Variants in IRAK1BP1 observed in about 807,000 individuals in gnomAD.
IRAK1BP1 encodes interleukin-1 receptor-associated kinase 1-binding protein 1.
IRAK1BP1 carries 24 observed loss-of-function variants against 28.0 expected under a neutral mutation model. The ratio of observed to expected loss-of-function variants is 0.86; its 90% CI spans 0.62 to 1.20. IRAK1BP1 has a LOEUF of 1.20. Ranked by LOEUF, IRAK1BP1 falls within the 50% of genes most tolerant of loss-of-function variation. IRAK1BP1 has a pLI of 0.00. For synonymous variants in IRAK1BP1, 131 were observed against 116.3 expected, an observed-to-expected ratio of 1.13 and a Z score of -0.81; for missense variants, 336 against 316.7, an observed-to-expected ratio of 1.06 and a Z score of -0.46.
intron 1 of IRAK1BP1, among the ~76,000 whole-genome samples, chr6:78,884,137 A>T (rs1771331157): frequency 6.6e-6 from 1 of 152,188 alleles, no homozygotes; most frequent in East Asian, 1.9e-4. Context: ...GGACTGACAG[A>T]CATCAGAGTG....
chr6:78,975,396 G>C, the IRAK1BP1 span, among the ~76,000 whole-genome samples: 4 of 152,160 alleles, frequency 2.6e-5, no homozygotes, highest in African/African-American at 7.2e-5. Flanking sequence ...AGCTATCTAT[G>C]ACAAACCCAC....
chr6:78,978,045 C>A, the IRAK1BP1 span, among the ~76,000 whole-genome samples: 1 of 151,998 alleles, frequency 6.6e-6, no homozygotes, highest in South Asian at 2.1e-4. Flanking sequence ...AATGTTGAGA[C>A]CAGTTCTTAC....
At chr6:78,951,444 T>C in the IRAK1BP1 span, among the ~76,000 whole-genome samples, 2 of 152,284 alleles carry the variant, frequency 1.3e-5, no homozygotes, top group South Asian at 2.1e-4. Flanking sequence ...TATTTTCATA[T>C]AAAAGATGAA....
intron 4 of IRAK1BP1, among the ~76,000 whole-genome samples, chr6:78,943,094 A>G (rs1773584548): frequency 1.3e-5 from 2 of 152,196 alleles, no homozygotes; most frequent in African/African-American, 2.4e-5. Context: ...CTGAAATAAC[A>G]TTTTGGATAT....
chr6:78,960,355 C>T, the IRAK1BP1 span, among the ~76,000 whole-genome samples: 6 of 152,008 alleles, frequency 3.9e-5, no homozygotes, highest in Non-Finnish European at 8.8e-5. Flanking sequence ...TCTCATCCAC[C>T]CATGTCTTGT....
At chr6:78,968,811 C>T in the IRAK1BP1 span, among the ~76,000 whole-genome samples, 1 of 152,144 alleles carries the variant, frequency 6.6e-6, no homozygotes, top group Admixed American at 6.5e-5. Flanking sequence ...TCTAACAGCT[C>T]AAGCTGTAAA....
chr6:78,893,341 TA>T (rs1771749120), intron 2 of IRAK1BP1, among the ~76,000 whole-genome samples: 1 of 113,646 alleles, frequency 8.8e-6, no homozygotes, highest in Admixed American at 9.5e-5. Context: ...TATATATATA[TA>T]TATATATCAA....
the IRAK1BP1 span, chr6:78,958,124 G>C: frequency 6.1e-6 from 1 of 164,720 alleles, no homozygotes. Context: ...ATTTGGGTTA[G>C]AAGAGTTAAT....
chr6:78,939,648 T>C (rs995325953), intron 4 of IRAK1BP1: 3 of 151,964 alleles, frequency 2.0e-5, no homozygotes, highest in Non-Finnish European at 4.4e-5. Context: ...CAGACACGTT[T>C]CTTTGTAAGT....
the IRAK1BP1 span, among the ~76,000 whole-genome samples, chr6:78,951,911 T>G: frequency 6.6e-6 from 1 of 152,220 alleles, no homozygotes; most frequent in Non-Finnish European, 1.5e-5. Context: ...TAGTTTTGTC[T>G]ATAAATCTTA....
chr6:78,949,714 G>C (rs571548602), downstream of IRAK1BP1, among the ~76,000 whole-genome samples: 1 of 151,732 alleles, frequency 6.6e-6, no homozygotes, highest in Non-Finnish European at 1.5e-5. Context: ...TAATGAGATA[G>C]GGTCTCACTC....
the IRAK1BP1 span, chr6:78,970,122 T>C: frequency 6.2e-7 from 1 of 1,612,196 alleles, no homozygotes. Context: ...CAGCAAAGGG[T>C]AGGTAATCCC....
At chr6:78,869,451 C>T (rs946272881) in intron 1 of IRAK1BP1, among the ~76,000 whole-genome samples, 3 of 152,120 alleles carry the variant, frequency 2.0e-5, no homozygotes, top group Non-Finnish European at 2.9e-5. Context: ...ATCCGGGAGG[C>T]GAAGGTTTCA....
rs140399531 is a variant in IRAK1BP1 at position 78,933,340 on chromosome 6, G to A, written c.*68-12068G>A. Among the ~76,000 whole-genome samples, 731 of 152,198 alleles carry A rather than the reference G, an allele frequency of 4.8e-3. 4 individuals carry two copies. The highest frequency in any genetic ancestry group is 8.8e-3 in the Non-Finnish European group (596 of 67,978). On this transcript the variant is annotated intron_variant and NMD_transcript_variant, in intron 4 of 4. Coordinates refer to the IRAK1BP1 transcript ENST00000606868. ...TTCCTTAAACATCATGAACCAGGCC[G>A]GACGCGATGGCTCACGCCTGTAATC...
chr6:78,948,277 C>T (rs554384348), downstream of IRAK1BP1, among the ~76,000 whole-genome samples: 7 of 152,134 alleles, frequency 4.6e-5, no homozygotes, highest in South Asian at 1.5e-3. Context: ...TTTTGCTTTG[C>T]AGTAATAAAG....
chr6:78,973,430 A>C, the IRAK1BP1 span, among the ~76,000 whole-genome samples: 3,864 of 146,326 alleles, frequency 0.026, 70 homozygotes, highest in Middle Eastern at 0.062. Flanking sequence ...ATCATGCCAA[A>C]ATGTAAAGAC....
chr6:78,881,883 G>C (rs960644486), intron 1 of IRAK1BP1, among the ~76,000 whole-genome samples: 11 of 151,986 alleles, frequency 7.2e-5, no homozygotes, highest in African/African-American at 2.4e-4. Context: ...AAAAATGGAA[G>C]GTTAAAATGA....
chr6:78,928,816 T>C (rs1772962473), intron 4 of IRAK1BP1, among the ~76,000 whole-genome samples: 1 of 152,190 alleles, frequency 6.6e-6, no homozygotes, highest in Non-Finnish European at 1.5e-5. Flanking sequence ...ATTATACTGA[T>C]TGATTTGTAT....
At chr6:78,934,793 T>C (rs1368001408) in intron 4 of IRAK1BP1, among the ~76,000 whole-genome samples, 3 of 152,224 alleles carry the variant, frequency 2.0e-5, no homozygotes, top group Non-Finnish European at 4.4e-5. Flanking sequence ...TTGCTGGGGT[T>C]CCTCTACTTC....
Sources: gnomAD v4.1 joint callset for allele counts (sites outside exome capture counted in the v4.1 genomes callset) on GRCh38, gnomAD v4.1.1 for gene constraint, MANE v1.5 for transcripts, NCBI Gene and HGNC (gene_info 2026-07-23, HGNC 2026-07-21) for gene names.